KCNH5: variants seen among roughly 807,000 people sequenced by gnomAD.
KCNH5 encodes potassium voltage-gated channel subfamily H member 5.
In KCNH5, 46 loss-of-function variants were observed where a neutral mutation model predicts 96.1. That is an observed-to-expected ratio of 0.48 (90% CI 0.38 to 0.61). The LOEUF (loss-of-function observed/expected upper bound fraction) is 0.61, where lower values mean the gene tolerates loss of function less well. KCNH5 is among the 20% of genes least tolerant of loss of function. KCNH5 has a pLI of 0.00. For synonymous variants in KCNH5, 439 were observed against 449.8 expected (o/e 0.98, Z 0.30); for missense variants, 907 against 1,225.8 (o/e 0.74, Z 3.88).
At chr14:62,861,447 C>G (rs1888030611) in intron 7 of KCNH5, among the ~76,000 whole-genome samples, 1 of 151,842 alleles carries the variant, frequency 6.6e-6, no homozygotes, top group Admixed American at 6.6e-5. Context: ...TTTTTTTGTA[C>G]AGACAGGGTC....
At chr14:62,851,788 T>C (rs964671265) in intron 7 of KCNH5, among the ~76,000 whole-genome samples, 1 of 152,144 alleles carries the variant, frequency 6.6e-6, no homozygotes, top group Non-Finnish European at 1.5e-5. Context: ...TATTTTGACA[T>C]GTTTAACTTG....
At chr14:62,863,477 T>C (rs1467553818) in intron 7 of KCNH5, among the ~76,000 whole-genome samples, 2 of 152,150 alleles carry the variant, frequency 1.3e-5, no homozygotes, top group Admixed American at 6.6e-5. Context: ...TATTAAAACC[T>C]GGGAACATCA....
intron 10 of KCNH5, among the ~76,000 whole-genome samples, chr14:62,752,615 T>C (rs1032732754): frequency 2.6e-5 from 4 of 152,108 alleles, no homozygotes; most frequent in African/African-American, 9.7e-5. Context: ...AAAACAAGAC[T>C]AATATGGTTT....
chr14:62,786,994 C>T (rs1261568282), intron 9 of KCNH5, among the ~76,000 whole-genome samples: 1 of 152,116 alleles, frequency 6.6e-6, no homozygotes, highest in Admixed American at 6.6e-5. Context: ...CAACCAGCAA[C>T]CTTAAAATGG....
intron 10 of KCNH5, among the ~76,000 whole-genome samples, chr14:62,763,718 C>T (rs1275462854): frequency 2.0e-5 from 3 of 152,136 alleles, no homozygotes; most frequent in Admixed American, 6.5e-5. Context: ...ATTGACCCCA[C>T]AGTAATATAA....
chr14:62,964,388 C>T (rs557977849), intron 6 of KCNH5, among the ~76,000 whole-genome samples: 2 of 152,236 alleles, frequency 1.3e-5, no homozygotes, highest in South Asian at 2.1e-4. Context: ...ATGTTCACCT[C>T]CTCATCACCC....
chr14:62,809,409 G>A (rs1886830637), intron 8 of KCNH5, among the ~76,000 whole-genome samples: 1 of 151,954 alleles, frequency 6.6e-6, no homozygotes, highest in Admixed American at 6.6e-5. Context: ...AGCCCTTTGG[G>A]GAACTAGCCT....
intron 7 of KCNH5, among the ~76,000 whole-genome samples, chr14:62,945,244 T>C (rs955333089): frequency 3.9e-5 from 6 of 152,150 alleles, no homozygotes; most frequent in Non-Finnish European, 7.3e-5. Flanking sequence ...TTAGAACTTA[T>C]ATCGATAGGC....
Position 62,788,952 on chromosome 14 carries a change from A to T in KCNH5, c.1823-9028T>A, listed in dbSNP as rs572211607. Among the ~76,000 whole-genome samples the T allele has an allele frequency of 2.6e-5, 4 of 152,230 alleles. No homozygotes were observed. The East Asian group carries it at 7.7e-4, about 29-fold the overall frequency. ...GCTCTATTATGGTGGTCTGGTACCA[A>T]ACCAACAAAATCTCTGAGATATGTC... On this transcript the variant is annotated intron_variant, in intron 9 of 10. Coordinates refer to ENST00000322893, the MANE Select transcript of KCNH5 (RefSeq NM_139318.5).
intron 7 of KCNH5, among the ~76,000 whole-genome samples, chr14:62,862,872 G>A (rs779149664): frequency 2.0e-5 from 3 of 152,178 alleles, no homozygotes; most frequent in Non-Finnish European, 1.5e-5. Context: ...AGAGGATCAT[G>A]AGAAATGATG....
intron 7 of KCNH5, among the ~76,000 whole-genome samples, chr14:62,876,689 C>T (rs1018671288): frequency 3.3e-5 from 5 of 152,208 alleles, no homozygotes; most frequent in Admixed American, 2.0e-4. Context: ...TACTATATAG[C>T]GACCTTTATC....
At chr14:62,846,389 A>G (rs1261801263) in intron 8 of KCNH5, among the ~76,000 whole-genome samples, 3 of 152,084 alleles carry the variant, frequency 2.0e-5, no homozygotes, top group Non-Finnish European at 4.4e-5. Flanking sequence ...AGTGTGAAAG[A>G]TTTTACACTT....
At chr14:62,801,304 A>G (rs1886654217) in intron 9 of KCNH5, among the ~76,000 whole-genome samples, 5 of 151,794 alleles carry the variant, frequency 3.3e-5, no homozygotes, top group Admixed American at 3.3e-4. Context: ...CTCATTTTTC[A>G]TGAGACACAA....
intron 9 of KCNH5, among the ~76,000 whole-genome samples, chr14:62,785,452 C>T (rs911628044): frequency 2.6e-5 from 4 of 152,170 alleles, no homozygotes; most frequent in African/African-American, 9.7e-5. Context: ...TACTTGACTA[C>T]AGAACATTTG....
intron 7 of KCNH5, among the ~76,000 whole-genome samples, chr14:62,921,858 T>A (rs1889386549): frequency 6.6e-6 from 1 of 152,074 alleles, no homozygotes; most frequent in South Asian, 2.1e-4. Flanking sequence ...ATAAAATACA[T>A]CTTAAGTTGA....
intron 8 of KCNH5, among the ~76,000 whole-genome samples, chr14:62,818,519 A>G (rs2140015255): frequency 6.6e-6 from 1 of 152,332 alleles, no homozygotes; most frequent in South Asian, 2.1e-4. Context: ...ACAATGTATC[A>G]AGTCTTGAAG....
intron 1 of KCNH5, among the ~76,000 whole-genome samples, chr14:63,022,545 T>C (rs1245804495): frequency 6.6e-6 from 1 of 152,174 alleles, no homozygotes; most frequent in East Asian, 1.9e-4. Flanking sequence ...AAGACCCAAA[T>C]CCTTTCCATG....
At chr14:62,802,623 A>AGG in intron 8 of KCNH5, 42 bp from the exon 9 acceptor site, 1 of 1,601,860 alleles carries the variant, frequency 6.2e-7, no homozygotes, top group East Asian at 2.2e-5. Flanking sequence ...GGAAAGAGGA[A>AGG]GGGGCCACTT....
Position 62,867,735 on chromosome 14 carries a change from C to A in KCNH5, c.1370-17883G>T, listed in dbSNP as rs368413367. Among the ~76,000 whole-genome samples, 66 of 152,190 alleles carry A rather than the reference C, an allele frequency of 4.3e-4. 3 individuals carry two copies. The South Asian group carries it at 8.5e-3, about 20-fold the overall frequency. On this transcript the variant is annotated intron_variant, in intron 7 of 10. Coordinates refer to ENST00000322893, the MANE Select transcript of KCNH5 (RefSeq NM_139318.5). ...TCTTCATCTCCAAATTCATCTCTAA[C>A]CCTCTCTTCCTCCTCACCAGGCACT...
Sources: gnomAD v4.1 joint callset for allele counts (sites outside exome capture counted in the v4.1 genomes callset) on GRCh38, gnomAD v4.1.1 for gene constraint, MANE v1.5 for transcripts, NCBI Gene and HGNC (gene_info 2026-07-23, HGNC 2026-07-21) for gene names.